Variants in PRRT1B observed in about 807,000 individuals in gnomAD.
The protein encoded by PRRT1B is proline rich transmembrane protein 1B.
chr9:131,555,878 G>A (rs1228123943), intron 2 of PRRT1B, among the ~76,000 whole-genome samples, 192 bp from the exon 3 acceptor site: 1 of 152,096 alleles, frequency 6.6e-6, no homozygotes, highest in African/African-American at 2.4e-5. Flanking sequence ...CAGCGGGGCT[G>A]AGTGGCCAGG....
rs1461790394 is a variant in PRRT1B at position 131,554,434 on chromosome 9, G to T, written c.26-123G>T. 3 of 365,286 alleles carry T rather than the reference G, an allele frequency of 8.2e-6. No homozygotes were observed. In the East Asian group the frequency reaches 1.2e-4, roughly 14 times the overall value. 22.6% of individuals were successfully genotyped at this position (365,286 alleles called of 1,614,324 possible). A position where few individuals can be genotyped will look rare whatever the true frequency, so the allele number is the denominator to read the frequency against. On this transcript the variant is annotated intron_variant, in intron 1 of 3. Transcript: ENST00000636672. ...TGGGCCTGTTTTTTAGTCCCTTTGCGTCACGATCCTATGAGGCCCAGCTGC... is the reference window on the plus strand; with the variant it reads ...TGGGCCTGTTTTTTAGTCCCTTTGCTTCACGATCCTATGAGGCCCAGCTGC...
At chr9:131,545,913 C>T (rs552295395) in intron 1 of PRRT1B, among the ~76,000 whole-genome samples, 3 of 152,006 alleles carry the variant, frequency 2.0e-5, no homozygotes, top group African/African-American at 7.2e-5. Flanking sequence ...ATCGGCAGGG[C>T]GGGCCCAGGC....
intron 1 of PRRT1B, among the ~76,000 whole-genome samples, chr9:131,550,420 C>G (rs186652284): frequency 1.3e-5 from 2 of 152,174 alleles, no homozygotes; most frequent in African/African-American, 4.8e-5. Flanking sequence ...AAATTACGTG[C>G]GCTGTACTGC....
intron 1 of PRRT1B, among the ~76,000 whole-genome samples, chr9:131,553,797 G>T (rs1951027633): frequency 6.6e-6 from 1 of 152,178 alleles, no homozygotes; most frequent in Non-Finnish European, 1.5e-5. Flanking sequence ...TCTCTTCCAG[G>T]GCCTTCCTTG....
In PRRT1B at chr9:131,551,586, A is replaced by G. The variant is rs1951012706; in HGVS notation, c.26-2971A>G. ...TATCCCCTGTGACCTGCATGTACAC[A>G]TCCAGGTGGCCGGTTCCTGCCTTAA... On this transcript the variant is annotated intron_variant, in intron 1 of 3. Transcript: ENST00000636672. The surrounding 1 kb of genome is among the most constrained non-coding windows in gnomAD (Gnocchi z 4.4). 6.6e-6 allele frequency among the ~76,000 whole-genome samples: 1 copy of G among 152,186 alleles called. No homozygotes were observed. The highest frequency in any genetic ancestry group is 1.9e-4 in the East Asian group (1 of 5,204).
chr9:131,553,620 C>G (rs989073196), intron 1 of PRRT1B, among the ~76,000 whole-genome samples: 2 of 152,186 alleles, frequency 1.3e-5, no homozygotes, highest in African/African-American at 4.8e-5. Flanking sequence ...CCTCCCACCC[C>G]CACTGAGATG....
At chr9:131,548,112 TGGCTGCTCACCCACATTGCAGCCAG>T (rs1293980803) in intron 1 of PRRT1B, among the ~76,000 whole-genome samples, 3 of 152,282 alleles carry the variant, frequency 2.0e-5, no homozygotes, top group Non-Finnish European at 2.9e-5. Context: ...ATGCCTGCTT[TGGCTGCTCACCCACATTGCAGCCAG>T]GGCTGCTCAC....
At chr9:131,555,165 T>C (rs1253835710) in intron 2 of PRRT1B, 136 bp downstream of exon 2, 2 of 256,952 alleles carry the variant, frequency 7.8e-6, no homozygotes, top group Non-Finnish European at 1.4e-5. Flanking sequence ...GGTGGGGGCA[T>C]TTGAGCGGGG....
intron 3 of PRRT1B, among the ~76,000 whole-genome samples, chr9:131,557,497 C>T (rs1951058162): frequency 6.6e-6 from 1 of 152,146 alleles, no homozygotes; most frequent in South Asian, 2.1e-4. Context: ...GAGATCGCAC[C>T]ACTGCACTCT....
rs113369789 is a variant in PRRT1B at position 131,551,587 on chromosome 9, T to C, written c.26-2970T>C. 7.7e-3 allele frequency among the ~76,000 whole-genome samples: 1,176 copies of C among 152,226 alleles called. 26 individuals carry two copies. Among genetic ancestry groups the C allele is most frequent in the African/African-American group, 0.026 (1,094 of 41,520 alleles). On this transcript the variant is annotated intron_variant, in intron 1 of 3. Transcript: ENST00000636672. The surrounding 1 kb of genome is among the most constrained non-coding windows in gnomAD (Gnocchi z 4.4). ...ATCCCCTGTGACCTGCATGTACACA[T>C]CCAGGTGGCCGGTTCCTGCCTTAAC...
At position 131,551,389 on chromosome 9, in the gene PRRT1B, C is replaced by G. The variant is rs141965932; in HGVS notation, c.26-3168C>G. Among the ~76,000 whole-genome samples the G allele has an allele frequency of 0.13, 19,783 of 152,098 alleles. 1,517 individuals are homozygous for G. The highest frequency in any genetic ancestry group is 0.26 in the Middle Eastern group (77 of 294). On this transcript the variant is annotated intron_variant, in intron 1 of 3. Transcript: ENST00000636672. The surrounding 1 kb of genome is among the most constrained non-coding windows in gnomAD (Gnocchi z 4.4). ...TAATCTCTCCCACTCTAGGTTCCCA[C>G]GCCGCCCCTAATCTCGCTTGAAGCA...
At chr9:131,556,885 A>C (rs1189452447) in intron 3 of PRRT1B, among the ~76,000 whole-genome samples, 1 of 151,634 alleles carries the variant, frequency 6.6e-6, no homozygotes, top group Admixed American at 6.6e-5. Flanking sequence ...CACTTGCCTC[A>C]GCCTCCCAAA....
exon 2 of PRRT1B, chr9:131,554,661 C>G: frequency 2.6e-6 from 1 of 387,294 alleles, no homozygotes; most frequent in Admixed American, 4.5e-5. Context: ...GCAGCCCGCG[C>G]TCCCGCAGCT....
chr9:131,545,762 T>C (rs966688418), intron 1 of PRRT1B, 122 bp downstream of exon 1: 7 of 331,442 alleles, frequency 2.1e-5, no homozygotes, highest in African/African-American at 3.7e-5. Context: ...GCGGGGCAGG[T>C]GCTGGCGGAG....
At chr9:131,548,663 C>T (rs1588548933) in intron 1 of PRRT1B, among the ~76,000 whole-genome samples, 1 of 152,208 alleles carries the variant, frequency 6.6e-6, no homozygotes, top group Non-Finnish European at 1.5e-5. Context: ...CAACCCCAAG[C>T]GTCACTGAGT....
rs567998808 is a variant in PRRT1B, at chr9:131,551,237, C to T, written c.26-3320C>T. ...GATTACGGGTGTGAGCCACCGCGCCCGACCTGCGTTTAGTTTTTCAATTCA... is the reference window on the plus strand; with the variant it reads ...GATTACGGGTGTGAGCCACCGCGCCTGACCTGCGTTTAGTTTTTCAATTCA... On this transcript the variant is annotated intron_variant, in intron 1 of 3. Transcript: ENST00000636672. This position sits in a 1 kb window ranked among gnomAD's most constrained non-coding sequence, Gnocchi z 4.4. Among the ~76,000 whole-genome samples, 3 of 152,106 alleles carry T rather than the reference C, an allele frequency of 2.0e-5. No individual in the cohort carries two copies. The highest frequency in any genetic ancestry group is 2.1e-4 in the South Asian group (1 of 4,814).
intron 3 of PRRT1B, among the ~76,000 whole-genome samples, chr9:131,556,809 T>A (rs1266842990): frequency 6.6e-6 from 1 of 152,016 alleles, no homozygotes; most frequent in Non-Finnish European, 1.5e-5. Flanking sequence ...TTTTTTGTAT[T>A]TTTAGTAGAG....
chr9:131,552,975 T>C (rs10121616), intron 1 of PRRT1B, among the ~76,000 whole-genome samples: 23,693 of 151,880 alleles, frequency 0.16, 3,079 homozygotes, highest in African/African-American at 0.35. Context: ...CGTGAGCCAT[T>C]GTGCCTGGCC....
At chr9:131,555,193 G>C (rs1951040970) in intron 2 of PRRT1B, among the ~76,000 whole-genome samples, 164 bp downstream of exon 2, 1 of 151,986 alleles carries the variant, frequency 6.6e-6, no homozygotes, top group Non-Finnish European at 1.5e-5. Context: ...GGATGAATAG[G>C]AGGGCTAAGG....
Sources: allele counts gnomAD v4.1 joint callset (sites outside exome capture counted in the v4.1 genomes callset), GRCh38; gene constraint gnomAD v4.1.1; non-coding constraint Gnocchi (gnomAD v3.1); transcripts MANE v1.5; gene names NCBI Gene and HGNC (gene_info 2026-07-23, HGNC 2026-07-21).